Variants in PSAP observed in about 807,000 individuals in gnomAD.
The protein encoded by PSAP is precursor of saposins.
Under a neutral mutation model 66.0 loss-of-function variants are expected in PSAP, and 25 were observed. The observed-to-expected ratio is 0.38, with a 90% confidence interval of 0.28 to 0.53. The LOEUF (loss-of-function observed/expected upper bound fraction) is 0.53, where lower values mean the gene tolerates loss of function less well. Among genes scored for constraint, PSAP ranks in the 20% least tolerant of loss-of-function variants. The pLI, the probability that PSAP is intolerant of heterozygous loss-of-function variation, is 0.83. For missense variants in PSAP, 649 were observed against 668.8 expected (o/e 0.97, Z 0.33); for synonymous variants, 273 against 258.9 (o/e 1.05, Z -0.52).
intron 6 of PSAP, among the ~76,000 whole-genome samples, chr10:71,827,742 A>AAAT (rs1842423387): frequency 6.6e-6 from 1 of 152,058 alleles, no homozygotes; most frequent in African/African-American, 2.4e-5. Context: ...AAAAAAAAAA[A>AAAT]AATGGGGGCA....
In PSAP at chr10:71,821,866, C is replaced by T. The variant is rs1178595463; in HGVS notation, c.909+10G>A. The T allele has an allele frequency of 6.2e-7, 1 of 1,614,172 alleles. No individual in the cohort carries two copies. Among genetic ancestry groups the T allele is most frequent in the Non-Finnish European group, 8.5e-7 (1 of 1,180,012 alleles). On this transcript the variant is annotated intron_variant, in intron 8 of 13. Coordinates refer to ENST00000394936, the MANE Select transcript of PSAP (RefSeq NM_002778.4). ...CAGCCCTGACCAGGACACAAAGTGACACCAGGTACCTTAATGGGCTCCACC... is the reference window on the plus strand; with the variant it reads ...CAGCCCTGACCAGGACACAAAGTGATACCAGGTACCTTAATGGGCTCCACC...
chr10:71,839,968 C>T, intron 1 of PSAP, among the ~76,000 whole-genome samples: 1 of 152,148 alleles, frequency 6.6e-6, no homozygotes, highest in East Asian at 1.9e-4. Flanking sequence ...AAAGGTCTCC[C>T]AACAAGTGTT....
intron 8 of PSAP, 64 bp downstream of exon 8, chr10:71,821,812 G>C: frequency 6.2e-7 from 1 of 1,606,496 alleles, no homozygotes; most frequent in Admixed American, 1.7e-5. Context: ...GATGTGATGT[G>C]ACACAGCAGG....
intron 11 of PSAP, 128 bp downstream of exon 11, chr10:71,819,337 G>C (rs367743510): frequency 9.2e-6 from 13 of 1,412,558 alleles, no homozygotes; most frequent in East Asian, 9.2e-5. Flanking sequence ...TCACCTCCAA[G>C]TAAAACTTCA....
At chr10:71,837,005 GA>G (rs1482768819) in intron 1 of PSAP, among the ~76,000 whole-genome samples, 1 of 152,190 alleles carries the variant, frequency 6.6e-6, no homozygotes, top group African/African-American at 2.4e-5. Flanking sequence ...CCCAATCCAT[GA>G]CCTACTGAAT....
intron 8 of PSAP, among the ~76,000 whole-genome samples, chr10:71,821,561 T>C (rs1202588542): frequency 6.6e-6 from 1 of 152,128 alleles, no homozygotes; most frequent in African/African-American, 2.4e-5. Flanking sequence ...ACCCAGACAG[T>C]GCATGTGAGA....
At chr10:71,839,460 G>A (rs1476008652) in intron 1 of PSAP, among the ~76,000 whole-genome samples, 4 of 152,094 alleles carry the variant, frequency 2.6e-5, no homozygotes, top group South Asian at 2.1e-4. Context: ...GGCTGGTTTC[G>A]AACTCCTGAC....
chr10:71,833,043 A>AAAAAAAC (rs1842552264), intron 2 of PSAP, among the ~76,000 whole-genome samples: 1 of 149,596 alleles, frequency 6.7e-6, no homozygotes, highest in Non-Finnish European at 1.5e-5. Context: ...AAAAAACAAA[A>AAAAAAAC]ACAGAAGGCC....
chr10:71,834,757 T>C lies in PSAP; in HGVS notation c.41-252A>G, dbSNP rs7090110. ...ATCCTCTCTAGCTACCTTTAAACAG[T>C]ATCAGGGAGTATCAGAACTTTAACC... On this transcript the variant is annotated intron_variant, in intron 1 of 13. Coordinates refer to ENST00000394936, the MANE Select transcript of PSAP (RefSeq NM_002778.4). Among the ~76,000 whole-genome samples the C allele has an allele frequency of 0.033, 5,061 of 152,256 alleles. 277 individuals carry two copies. Among genetic ancestry groups the C allele is most frequent in the African/African-American group, 0.12 (4,840 of 41,520 alleles).
Position 71,820,271 on chromosome 10 carries a change from A to C in PSAP, c.974T>G (p.Val325Gly). The C allele has an allele frequency of 6.2e-7, 1 of 1,613,956 alleles. No homozygotes were observed. Among genetic ancestry groups the C allele is most frequent in the Non-Finnish European group, 8.5e-7 (1 of 1,179,968 alleles). Reference protein sequence around the residue: ...CEVCEFLVKEVTKLIDNNKTE... With the variant: ...CEVCEFLVKEGTKLIDNNKTE... ...CTTGTTGTTGTCAATCAGCTTGGTC[A>C]CCTCCTTCACCAGGAATTCACACAC... is the stretch of plus-strand genomic sequence containing the variant. The change falls in exon 9 of 14, where the codon GTG (valine) becomes GGG (glycine). Residue 325 changes from valine to glycine, a missense_variant. Transcript: ENST00000394936.
At chr10:71,820,218 C>T in intron 9 of PSAP, 22 bp downstream of exon 9, 1 of 1,592,826 alleles carries the variant, frequency 6.3e-7, no homozygotes, top group Non-Finnish European at 8.6e-7. Flanking sequence ...GAGGCCCTCC[C>T]TCTGCCAGGA....
chr10:71,849,607 A>AAAAC (rs571514122), intron 1 of PSAP, among the ~76,000 whole-genome samples: 6 of 152,014 alleles, frequency 3.9e-5, no homozygotes, highest in East Asian at 3.8e-4. Flanking sequence ...TCCGTCTCAA[A>AAAAC]AAACAAACAA....
At chr10:71,846,452 C>T (rs1842825985) in intron 1 of PSAP, among the ~76,000 whole-genome samples, 3 of 146,260 alleles carry the variant, frequency 2.1e-5, no homozygotes, top group African/African-American at 2.5e-5. Context: ...AAGCCAGGTG[C>T]GGCGACTCAC....
At chr10:71,821,806 T>C in intron 8 of PSAP, 70 bp downstream of exon 8, 1 of 1,602,856 alleles carries the variant, frequency 6.2e-7, no homozygotes, top group East Asian at 2.2e-5. Context: ...TCGTAAGATG[T>C]GATGTGACAC....
At chr10:71,831,543 C>G (rs1842517024) in intron 3 of PSAP, among the ~76,000 whole-genome samples, 2 of 152,346 alleles carry the variant, frequency 1.3e-5, no homozygotes, top group African/African-American at 4.8e-5. Flanking sequence ...AATACAACAT[C>G]TCAATTAACT....
chr10:71,829,423 A>G (rs1268690114), intron 4 of PSAP, among the ~76,000 whole-genome samples: 1 of 152,056 alleles, frequency 6.6e-6, no homozygotes, highest in African/African-American at 2.4e-5. Flanking sequence ...GGGTTTTCCC[A>G]TGCTGTTTAG....
At chr10:71,836,779 C>T (rs549344664) in intron 1 of PSAP, among the ~76,000 whole-genome samples, 1 of 152,296 alleles carries the variant, frequency 6.6e-6, no homozygotes, top group African/African-American at 2.4e-5. Flanking sequence ...CTACAGCTGA[C>T]CAAAATCTAG....
At chr10:71,851,084 G>GC (rs1842919513) in intron 1 of PSAP, 98 bp downstream of exon 1, 5 of 1,384,790 alleles carry the variant, frequency 3.6e-6, no homozygotes, top group African/African-American at 1.4e-5. Context: ...GCCAACTAGG[G>GC]CAGGGGGAGC....
chr10:71,817,496 T>A lies in PSAP; in HGVS notation c.1540-20A>T. ...GACAGCCTGGTAGGAGAGAGGAAGC[T>A]GAGTTTAGTCTTCGGATGAAAAACT... is the stretch of plus-strand genomic sequence containing the variant. On this transcript the variant is annotated intron_variant, in intron 13 of 13. Coordinates refer to ENST00000394936, the MANE Select transcript of PSAP (RefSeq NM_002778.4). The A allele has an allele frequency of 6.2e-7, 1 of 1,613,650 alleles. No individual in the cohort carries two copies. Among genetic ancestry groups the A allele is most frequent in the Non-Finnish European group, 8.5e-7 (1 of 1,179,580 alleles).
Sources: gnomAD v4.1 joint callset for allele counts (sites outside exome capture counted in the v4.1 genomes callset) on GRCh38, gnomAD v4.1.1 for gene constraint, MANE v1.5 for transcripts, NCBI Gene and HGNC (gene_info 2026-07-23, HGNC 2026-07-21) for gene names.